WWOX: variants seen among roughly 807,000 people sequenced by gnomAD.
The protein encoded by WWOX is WW domain-containing oxidoreductase.
In WWOX, 69 loss-of-function variants were observed where a neutral mutation model predicts 46.2. The ratio of observed to expected loss-of-function variants is 1.49; its 90% CI spans 1.23 to 1.82. WWOX has a LOEUF of 1.82. WWOX is among the 40% of genes most tolerant of loss of function. WWOX has a pLI of 0.00. For synonymous variants in WWOX, 359 were observed against 202.6 expected, an observed-to-expected ratio of 1.77 and a Z score of -6.56; for missense variants, 919 against 542.6, an observed-to-expected ratio of 1.69 and a Z score of -6.89.
chr16:79,166,858 T>C (rs1173870300), intron 8 of WWOX, among the ~76,000 whole-genome samples: 1 of 152,216 alleles, frequency 6.6e-6, no homozygotes, highest in Non-Finnish European at 1.5e-5. Context: ...ATGTATTAAT[T>C]CTTTAGTGAA....
chr16:78,860,076 A>T (rs1423553768), intron 8 of WWOX, among the ~76,000 whole-genome samples: 2 of 152,216 alleles, frequency 1.3e-5, no homozygotes, highest in Admixed American at 1.3e-4. Context: ...GCCGCATATT[A>T]GCATTATGCA....
At chr16:78,468,262 T>C (rs936999103) in intron 8 of WWOX, among the ~76,000 whole-genome samples, 6 of 147,282 alleles carry the variant, frequency 4.1e-5, no homozygotes, top group Non-Finnish European at 8.8e-5. Context: ...TAGGCTGCCT[T>C]TCTTTTTTTT....
At chr16:79,050,162 T>A (rs535110549) in intron 8 of WWOX, among the ~76,000 whole-genome samples, 126 of 152,104 alleles carry the variant, frequency 8.3e-4, no homozygotes, top group Non-Finnish European at 1.4e-3. Flanking sequence ...TTCTCACGTG[T>A]GTGTGGGGTT....
At chr16:78,427,210 CCT>C (rs1282891864) in intron 7 of WWOX, among the ~76,000 whole-genome samples, 1 of 152,074 alleles carries the variant, frequency 6.6e-6, no homozygotes, top group African/African-American at 2.4e-5. Flanking sequence ...GTTAAGACCC[CCT>C]GTTAGGGGAA....
At chr16:78,677,530 G>A (rs563887758) in intron 8 of WWOX, among the ~76,000 whole-genome samples, 2 of 152,300 alleles carry the variant, frequency 1.3e-5, no homozygotes, top group East Asian at 3.9e-4. Context: ...CTCATTAGCA[G>A]CCTCTGCTCT....
At chr16:78,692,852 G>C (rs974863431) in intron 8 of WWOX, among the ~76,000 whole-genome samples, 1 of 152,142 alleles carries the variant, frequency 6.6e-6, no homozygotes, top group Non-Finnish European at 1.5e-5. Flanking sequence ...AACTGTTTTT[G>C]GTGAATAGGC....
chr16:78,704,482 C>A (rs2048291207), intron 8 of WWOX, among the ~76,000 whole-genome samples: 1 of 152,120 alleles, frequency 6.6e-6, no homozygotes, highest in African/African-American at 2.4e-5. Flanking sequence ...TTCAGTAACT[C>A]ATTAGGCACT....
rs1483995284 is a variant in WWOX at position 78,944,020 on chromosome 16, A to G, written c.1057-267588A>G. Among the ~76,000 whole-genome samples, 3 of 152,222 alleles carry G rather than the reference A, an allele frequency of 2.0e-5. No individual in the cohort carries two copies. In the East Asian group the frequency reaches 5.8e-4, roughly 29 times the overall value. On this transcript the variant is annotated intron_variant, in intron 8 of 8. Coordinates refer to ENST00000566780, the MANE Select transcript of WWOX (RefSeq NM_016373.4). Reference sequence around the variant, plus strand: ...AAGCTCATCAAGGAAAGGACGTTTGAAGAAAAACAAATAAACAAAAACACA... The same window carrying G: ...AAGCTCATCAAGGAAAGGACGTTTGGAGAAAAACAAATAAACAAAAACACA...
At chr16:78,543,848 C>T (rs1212579842) in intron 8 of WWOX, among the ~76,000 whole-genome samples, 2 of 152,142 alleles carry the variant, frequency 1.3e-5, no homozygotes, top group African/African-American at 4.8e-5. Flanking sequence ...TGTCTTCCTG[C>T]TTATGACTCT....
intron 8 of WWOX, among the ~76,000 whole-genome samples, chr16:78,924,907 A>G (rs368317450): frequency 2.0e-5 from 3 of 152,190 alleles, no homozygotes; most frequent in African/African-American, 7.2e-5. Context: ...TCAAATAAAC[A>G]TACTTGGCCA....
intron 8 of WWOX, among the ~76,000 whole-genome samples, chr16:78,679,454 G>C (rs1453069493): frequency 6.6e-6 from 1 of 152,212 alleles, no homozygotes; most frequent in African/African-American, 2.4e-5. Context: ...GTGAGGCTGA[G>C]GCAGGAGAGT....
At chr16:78,111,411 T>C (rs1332532980) in intron 3 of WWOX, among the ~76,000 whole-genome samples, 2 of 152,304 alleles carry the variant, frequency 1.3e-5, no homozygotes, top group Admixed American at 6.5e-5. Flanking sequence ...AACTGGCATG[T>C]ATAGGCTCAG....
intron 8 of WWOX, among the ~76,000 whole-genome samples, chr16:78,453,419 T>A (rs1455659921): frequency 3.5e-5 from 5 of 144,684 alleles, no homozygotes; most frequent in Non-Finnish European, 7.5e-5. Flanking sequence ...CGAGACTATG[T>A]CTCAAAAAAA....
At chr16:79,171,552 C>G (rs1306014722) in intron 8 of WWOX, among the ~76,000 whole-genome samples, 2 of 152,130 alleles carry the variant, frequency 1.3e-5, no homozygotes, top group Non-Finnish European at 2.9e-5. Flanking sequence ...TGGTAGCCCC[C>G]AGGTCCCCTA....
intron 8 of WWOX, among the ~76,000 whole-genome samples, chr16:79,169,481 G>A (rs942263150): frequency 6.6e-6 from 1 of 152,200 alleles, no homozygotes; most frequent in Non-Finnish European, 1.5e-5. Context: ...TAAAAGCTGG[G>A]CCTGTAAGCC....
At chr16:78,718,097 A>ATTTTTTTTTTATT (rs2048610694) in intron 8 of WWOX, among the ~76,000 whole-genome samples, 2 of 68,252 alleles carry the variant, frequency 2.9e-5, no homozygotes, top group African/African-American at 7.0e-5. Flanking sequence ...TGGTGGTTGT[A>ATTTTTTTTTTATT]TTTTTGCCTC....
At chr16:79,065,268 G>T (rs73570888) in intron 8 of WWOX, among the ~76,000 whole-genome samples, 50,265 of 152,022 alleles carry the variant, frequency 0.33, 8,899 homozygotes, top group Non-Finnish European at 0.4. Flanking sequence ...ATTATGGCAG[G>T]AAAGAAAGAG....
intron 6 of WWOX, among the ~76,000 whole-genome samples, chr16:78,396,669 G>C (rs887854398): frequency 1.3e-5 from 2 of 152,162 alleles, no homozygotes; most frequent in Non-Finnish European, 2.9e-5. Context: ...ATTATGTAAA[G>C]CACTAGACTA....
At chr16:79,015,413 A>G (rs745621298) in intron 8 of WWOX, among the ~76,000 whole-genome samples, 12 of 152,192 alleles carry the variant, frequency 7.9e-5, no homozygotes, top group Admixed American at 2.6e-4. Flanking sequence ...AATAGTAACA[A>G]TATTTTCCTT....
Sources: gnomAD v4.1 joint callset for allele counts (sites outside exome capture counted in the v4.1 genomes callset) on GRCh38, gnomAD v4.1.1 for gene constraint, MANE v1.5 for transcripts, NCBI Gene and HGNC (gene_info 2026-07-23, HGNC 2026-07-21) for gene names.